The following GTF2A2 variants were observed in gnomAD, a reference collection of about 807,000 sequenced individuals.
GTF2A2 encodes the protein transcription initiation factor IIA subunit 2.
GTF2A2 carries 9 observed loss-of-function variants against 14.3 expected under a neutral mutation model. The observed-to-expected ratio is 0.63, with a 90% confidence interval of 0.38 to 1.10. The LOEUF is 1.10. Among genes scored for constraint, GTF2A2 ranks in the 50% least tolerant of loss-of-function variants. The pLI is 0.01. For synonymous variants in GTF2A2, 56 were observed against 46.0 expected, an observed-to-expected ratio of 1.22 and a Z score of -0.88; for missense variants, 90 against 124.6, an observed-to-expected ratio of 0.72 and a Z score of 1.32.
chr15:59,641,380 T>C (rs1186893860), intron 4 of GTF2A2, among the ~76,000 whole-genome samples: 1 of 152,106 alleles, frequency 6.6e-6, no homozygotes, highest in African/African-American at 2.4e-5. Context: ...TCTTTGGAAA[T>C]GCAAAATATA....
chr15:59,648,416 A>AG (rs1334826451), intron 3 of GTF2A2, among the ~76,000 whole-genome samples: 5 of 150,512 alleles, frequency 3.3e-5, no homozygotes, highest in Admixed American at 3.3e-4. Flanking sequence ...AAAAAAAAAA[A>AG]AAAGAATAAA....
chr15:59,642,965 C>T (rs1014926686), intron 3 of GTF2A2, among the ~76,000 whole-genome samples: 1 of 151,928 alleles, frequency 6.6e-6, no homozygotes, highest in South Asian at 2.1e-4. Context: ...TGGTGTTTCA[C>T]CATGTTGGCC....
intron 1 of GTF2A2, among the ~76,000 whole-genome samples, chr15:59,654,092 T>C (rs1471770572): frequency 3.3e-5 from 5 of 152,174 alleles, no homozygotes; most frequent in African/African-American, 7.2e-5. Context: ...CCCACCCTCA[T>C]AGTAGCCACA....
intron 3 of GTF2A2, among the ~76,000 whole-genome samples, chr15:59,643,702 A>G (rs550770448): frequency 1.4e-5 from 2 of 145,354 alleles, no homozygotes; most frequent in South Asian, 4.3e-4. Flanking sequence ...GGTTCTAGCT[A>G]TTCTCCTGTC....
At chr15:59,643,272 G>A (rs1350212486) in intron 3 of GTF2A2, among the ~76,000 whole-genome samples, 3 of 151,112 alleles carry the variant, frequency 2.0e-5, no homozygotes, top group African/African-American at 4.9e-5. Context: ...TAGAGACAGG[G>A]TTTCACCACG....
Position 59,642,105 on chromosome 15 carries a change from T to C in GTF2A2, c.304+31A>G, listed in dbSNP as rs776824491. On this transcript the variant is annotated intron_variant, in intron 4 of 4. Transcript: ENST00000396060. ...AGGCTCATAAAAACAAGGTTTCAAG[T>C]AGCTTTCACAGAAATAAGGCAAGCA... 6.3e-6 allele frequency: 10 copies of C among 1,576,226 alleles called. No individual in the cohort carries two copies. The East Asian group carries it at 1.6e-4, about 25-fold the overall frequency.
chr15:59,647,348 C>T (rs192468494), intron 3 of GTF2A2, among the ~76,000 whole-genome samples: 1,811 of 152,284 alleles, frequency 0.012, 18 homozygotes, highest in South Asian at 0.038. Context: ...ATCCTCCCAC[C>T]TTGGCCTCCC....
chr15:59,646,724 G>A (rs1403520855), intron 3 of GTF2A2, among the ~76,000 whole-genome samples: 1 of 152,124 alleles, frequency 6.6e-6, no homozygotes, highest in African/African-American at 2.4e-5. Context: ...TATATTAAAT[G>A]CCTTCCAACT....
chr15:59,653,741 C>A (rs1283710960), intron 1 of GTF2A2, among the ~76,000 whole-genome samples: 1 of 152,170 alleles, frequency 6.6e-6, no homozygotes, highest in African/African-American at 2.4e-5. Flanking sequence ...CTGCTTGACA[C>A]TGGATAAAAA....
At position 59,650,717 on chromosome 15, in the gene GTF2A2, A is replaced by G; in HGVS notation, c.129T>C (p.Ala43=). 1 of 1,611,962 alleles carries G rather than the reference A, an allele frequency of 6.2e-7. No homozygotes were observed. Reference sequence around the variant, plus strand: ...CCCTCTGAGCCAGTGCTGCATTTATAGCCTTATCAAACTGAAGTAGAACTT... The same window carrying G: ...CCCTCTGAGCCAGTGCTGCATTTATGGCCTTATCAAACTGAAGTAGAACTT... ...ALQVLLQFDK[A]INAALAQRVR... Residue 43 remains alanine (A), a synonymous_variant, in exon 3 of 5, where the codon GCT becomes GCC. Transcript: ENST00000396060.
chr15:59,644,735 G>A (rs1335690875), intron 3 of GTF2A2, among the ~76,000 whole-genome samples: 1 of 152,180 alleles, frequency 6.6e-6, no homozygotes. Flanking sequence ...ATGGAGAGGA[G>A]GGATAATGGA....
At chr15:59,643,595 CTT>C (rs34047348) in intron 3 of GTF2A2, among the ~76,000 whole-genome samples, 103 of 109,788 alleles carry the variant, frequency 9.4e-4, no homozygotes, top group Non-Finnish European at 1.0e-3. Context: ...GAAATTTTTA[CTT>C]TTTTTTTTTT....
At chr15:59,655,675 C>T (rs940599462) in intron 1 of GTF2A2, among the ~76,000 whole-genome samples, 3 of 152,192 alleles carry the variant, frequency 2.0e-5, no homozygotes, top group Non-Finnish European at 4.4e-5. Context: ...GGTTTAAGTA[C>T]CACTGCTGAT....
Position 59,643,072 on chromosome 15 carries a change from ATTTTTTTT to A in GTF2A2, c.178-818_178-811del, listed in dbSNP as rs398043378. Among the ~76,000 whole-genome samples, 27 of 64,108 alleles carry A rather than the reference ATTTTTTTT, an allele frequency of 4.2e-4. 1 individual carries two copies. Among genetic ancestry groups the A allele is most frequent in the East Asian group, 3.5e-3 (9 of 2,608 alleles). 42.1% of individuals were successfully genotyped at this position (64,108 alleles called of 152,430 possible). A position where few individuals can be genotyped will look rare whatever the true frequency, so the allele number is the denominator to read the frequency against. On this transcript the variant is annotated intron_variant, in intron 3 of 4. Coordinates refer to ENST00000396060, the MANE Select transcript of GTF2A2 (RefSeq NM_004492.3). The stretch of plus-strand genomic sequence containing the variant: ...TGAACCACCGCGCCTGGCCTATATA[ATTTTTTTT>A]TTTTTTTTTTTTTTTTTGAGACAGA...
In GTF2A2 at chr15:59,638,087, C is replaced by T. The variant is rs1891239261; in HGVS notation, c.*1045G>A. 3 of 152,082 alleles carry T rather than the reference C, an allele frequency of 2.0e-5. No individual in the cohort carries two copies. Among genetic ancestry groups the T allele is most frequent in the Non-Finnish European group, 4.4e-5 (3 of 68,008 alleles). 9.4% of individuals were successfully genotyped at this position (152,082 alleles called of 1,614,324 possible). A position where few individuals can be genotyped will look rare whatever the true frequency, so the allele number is the denominator to read the frequency against. Reference sequence around the variant, plus strand: ...TTGGAAGATGAAACAATTTTATTTTCTTTGTAGGGACAGTCTATATTGGCC... The same window carrying T: ...TTGGAAGATGAAACAATTTTATTTTTTTTGTAGGGACAGTCTATATTGGCC... On this transcript the variant is annotated 3_prime_UTR_variant, in exon 5 of 5. Coordinates refer to ENST00000396060, the MANE Select transcript of GTF2A2 (RefSeq NM_004492.3).
rs760638952 is a variant in GTF2A2, at chr15:59,638,380, C to T, written c.*752G>A. 6.6e-6 allele frequency: 1 copy of T among 152,124 alleles called. No individual in the cohort carries two copies. Among genetic ancestry groups the T allele is most frequent in the Admixed American group, 6.6e-5 (1 of 15,260 alleles). 9.4% of individuals were successfully genotyped at this position (152,124 alleles called of 1,614,324 possible). A position where few individuals can be genotyped will look rare whatever the true frequency, so the allele number is the denominator to read the frequency against. On this transcript the variant is annotated 3_prime_UTR_variant, in exon 5 of 5. Transcript: ENST00000396060. ...TGTTACTTCTGTATTTCTGCAAGCA[C>T]AATCCACTGACATAAAAGTCTAATA... is the stretch of plus-strand genomic sequence containing the variant.
At chr15:59,645,402 G>C (rs1056350239) in intron 3 of GTF2A2, among the ~76,000 whole-genome samples, 16 of 152,118 alleles carry the variant, frequency 1.1e-4, no homozygotes, top group Non-Finnish European at 2.2e-4. Context: ...AGAGGAGTCT[G>C]AGAGCAACAG....
At chr15:59,648,219 C>T (rs1891670730) in intron 3 of GTF2A2, among the ~76,000 whole-genome samples, 1 of 151,132 alleles carries the variant, frequency 6.6e-6, no homozygotes, top group Admixed American at 6.6e-5. Context: ...CCAGCCTGGC[C>T]AACATAGTGA....
intron 2 of GTF2A2, 112 bp downstream of exon 2, chr15:59,652,094 G>T: frequency 3.0e-6 from 2 of 662,692 alleles, no homozygotes; most frequent in Non-Finnish European, 5.3e-6. Flanking sequence ...TGACTTGCTG[G>T]GTCAAATAGT....
Sources: gnomAD v4.1 joint callset for allele counts (sites outside exome capture counted in the v4.1 genomes callset) on GRCh38, gnomAD v4.1.1 for gene constraint, MANE v1.5 for transcripts, NCBI Gene and HGNC (gene_info 2026-07-23, HGNC 2026-07-21) for gene names.